Variants in ZNF407 observed in about 807,000 individuals in gnomAD.
ZNF407 encodes the protein zinc finger protein 407.
Under a neutral mutation model 131.2 loss-of-function variants are expected in ZNF407, and 17 were observed. That is an observed-to-expected ratio of 0.13 (90% confidence interval 0.09 to 0.19). ZNF407 has a LOEUF of 0.19. Among genes scored for constraint, ZNF407 ranks in the 10% least tolerant of loss-of-function variants. The probability of loss-of-function intolerance (pLI) is 1.00; values close to 1 mark genes in which losing one functional copy is unlikely to be tolerated. For missense variants in ZNF407, 2,681 were observed against 2,830.6 expected, an observed-to-expected ratio of 0.95 and a Z score of 1.20; for synonymous variants, 1,156 against 1,062.0, an observed-to-expected ratio of 1.09 and a Z score of -1.72.
intron 8 of ZNF407, among the ~76,000 whole-genome samples, chr18:74,951,431 A>G (rs916774020): frequency 1.3e-5 from 2 of 152,194 alleles, no homozygotes; most frequent in African/African-American, 4.8e-5. Flanking sequence ...GAGATCTTGT[A>G]GAAAATTGGC....
chr18:74,936,112 A>G (rs1419508406), intron 8 of ZNF407, among the ~76,000 whole-genome samples: 1 of 152,236 alleles, frequency 6.6e-6, no homozygotes, highest in East Asian at 1.9e-4. Context: ...CTAAGGAAGT[A>G]TGTTACGAAG....
At chr18:74,892,855 A>G (rs1971403919) in intron 7 of ZNF407, among the ~76,000 whole-genome samples, 1 of 152,132 alleles carries the variant, frequency 6.6e-6, no homozygotes, top group African/African-American at 2.4e-5. Context: ...TACCCTGAAA[A>G]TGCTCATGCC....
intron 8 of ZNF407, among the ~76,000 whole-genome samples, chr18:74,952,508 T>C (rs1972226572): frequency 6.6e-6 from 1 of 152,134 alleles, no homozygotes; most frequent in Non-Finnish European, 1.5e-5. Context: ...CAGGGAAAGA[T>C]AGATGATAAG....
intron 4 of ZNF407, among the ~76,000 whole-genome samples, chr18:74,859,682 C>T (rs1182349655): frequency 6.6e-6 from 1 of 152,164 alleles, no homozygotes; most frequent in Non-Finnish European, 1.5e-5. Flanking sequence ...ATACATTTAT[C>T]TGTGAAAAGA....
At chr18:75,015,669 G>A (rs1355709613) in intron 8 of ZNF407, among the ~76,000 whole-genome samples, 1 of 151,074 alleles carries the variant, frequency 6.6e-6, no homozygotes, top group Non-Finnish European at 1.5e-5. Flanking sequence ...ACTGACAACA[G>A]GTAATGGAAA....
intron 3 of ZNF407, among the ~76,000 whole-genome samples, chr18:74,649,444 A>AT (rs537901972): frequency 1.7e-3 from 255 of 152,312 alleles, no homozygotes; most frequent in Non-Finnish European, 2.6e-3. Flanking sequence ...AATAAGTATG[A>AT]TTTTTTACAT....
chr18:74,904,609 T>C (rs762385359), intron 7 of ZNF407, among the ~76,000 whole-genome samples: 2 of 152,220 alleles, frequency 1.3e-5, no homozygotes, highest in African/African-American at 2.4e-5. Flanking sequence ...CTTCCTACCA[T>C]TTCTTCCTTG....
chr18:74,787,825 A>T (rs34606038), intron 4 of ZNF407, among the ~76,000 whole-genome samples: 1 of 152,234 alleles, frequency 6.6e-6, no homozygotes, highest in African/African-American at 2.4e-5. Context: ...CACAGCTATG[A>T]CAATGACTTA....
chr18:74,999,407 G>A (rs986996790), intron 8 of ZNF407, among the ~76,000 whole-genome samples: 4 of 138,234 alleles, frequency 2.9e-5, no homozygotes, highest in Non-Finnish European at 4.6e-5. Flanking sequence ...TTGTTTGAAA[G>A]TTGTAGGTTT....
chr18:74,612,058 A>G (rs1438672508), intron 1 of ZNF407, among the ~76,000 whole-genome samples: 1 of 152,168 alleles, frequency 6.6e-6, no homozygotes, highest in Non-Finnish European at 1.5e-5. Context: ...CAGTAGTGAG[A>G]TTGAGTGAAT....
Position 74,635,721 on chromosome 18 carries a change from A to G in ZNF407, c.4687+15A>G. On this transcript the variant is annotated intron_variant, in intron 2 of 8. Transcript: ENST00000299687. The surrounding 1 kb of genome is among the most constrained non-coding windows in gnomAD (Gnocchi z 4.7). ...CACTCACACAGGTATGTAGCTCTGC[A>G]GCAAGCCAAGTCAGTGAGGACATGG... The G allele has an allele frequency of 1.3e-6, 2 of 1,549,556 alleles. No individual in the cohort carries two copies. The highest frequency in any genetic ancestry group is 1.7e-6 in the Non-Finnish European group (2 of 1,148,406).
At chr18:74,782,944 G>A (rs532277475) in intron 4 of ZNF407, among the ~76,000 whole-genome samples, 4 of 152,142 alleles carry the variant, frequency 2.6e-5, no homozygotes, top group African/African-American at 9.6e-5. Flanking sequence ...TTTAATAATT[G>A]CAGCAAAAAT....
At position 74,635,774 on chromosome 18, in the gene ZNF407, G is replaced by T; in HGVS notation, c.4687+68G>T. 1 of 1,515,104 alleles carries T rather than the reference G, an allele frequency of 6.6e-7. No individual in the cohort carries two copies. The highest frequency in any genetic ancestry group is 8.8e-7 in the Non-Finnish European group (1 of 1,134,064). The allele number at this position is 1,515,104 out of a possible 1,614,324, so 93.9% of individuals were successfully genotyped here. A position where few individuals can be genotyped will look rare whatever the true frequency, so the allele number is the denominator to read the frequency against. ...CCATTTGTTCCCATCCAGATATGCA[G>T]CCCTACCTGTGGCTGCTCATTGGCT... is the stretch of plus-strand genomic sequence containing the variant. On this transcript the variant is annotated intron_variant, in intron 2 of 8. Coordinates refer to ENST00000299687, the MANE Select transcript of ZNF407 (RefSeq NM_017757.3). The surrounding 1 kb of genome is among the most constrained non-coding windows in gnomAD (Gnocchi z 4.7).
In ZNF407 at chr18:75,063,625, C is replaced by CA; in HGVS notation, c.5906dup (p.Gln1970AlafsTer29). On this transcript the variant is annotated frameshift_variant, in exon 9 of 9. Transcript: ENST00000299687. LOFTEE classifies it low-confidence loss of function (END_TRUNC). This position sits in a 1 kb window ranked among gnomAD's most constrained non-coding sequence, Gnocchi z 6.6. ...GTGGCGCTGTGATACAACAGGTGAC[C>CA]AAGCAGGAGATTTTAAACCTCTCGG... 1.3e-6 allele frequency: 2 copies of CA among 1,587,638 alleles called. No individual in the cohort carries two copies. The highest frequency in any genetic ancestry group is 1.7e-6 in the Non-Finnish European group (2 of 1,168,442).
chr18:74,763,196 C>CTTTTTTTTTTTTTTTT (rs71170316), intron 3 of ZNF407, among the ~76,000 whole-genome samples: 1 of 17,784 alleles, frequency 5.6e-5, no homozygotes, highest in Admixed American at 1.1e-3. Context: ...TTCTTAGGAC[C>CTTTTTTTTTTTTTTTT]TTTTTTTTTT....
At chr18:74,607,269 C>T (rs1405277304) in intron 1 of ZNF407, among the ~76,000 whole-genome samples, 2 of 152,082 alleles carry the variant, frequency 1.3e-5, no homozygotes, top group African/African-American at 2.4e-5. Context: ...CACAGGTTCC[C>T]GGGGTGACTT....
chr18:74,963,984 TGAATAGAAATATTTGTGG>T, intron 8 of ZNF407, among the ~76,000 whole-genome samples: 1 of 152,162 alleles, frequency 6.6e-6, no homozygotes, highest in Non-Finnish European at 1.5e-5. Flanking sequence ...TGACCTTGAG[TGAATAGAAATATTTGTGG>T]CGCCCTCTTG....
Position 74,920,126 on chromosome 18 carries a change from G to C in ZNF407, c.5250-388G>C, listed in dbSNP as rs1325630623. Among the ~76,000 whole-genome samples the C allele has an allele frequency of 2.0e-5, 3 of 152,152 alleles. No individual in the cohort carries two copies. In the East Asian group the frequency reaches 5.8e-4, roughly 29 times the overall value. ...AAAGCCAAAGTGTCTTTGTTCCCCA[G>C]ATGCTCTAAATTCAGTGGAGGCGAC... is the stretch of plus-strand genomic sequence containing the variant. On this transcript the variant is annotated intron_variant, in intron 7 of 8. Transcript: ENST00000299687.
At chr18:74,839,129 G>A (rs761318459) in intron 4 of ZNF407, among the ~76,000 whole-genome samples, 1 of 152,188 alleles carries the variant, frequency 6.6e-6, no homozygotes, top group Non-Finnish European at 1.5e-5. Context: ...ATGCTGATAA[G>A]TGTAGTTGAG....
Sources: gnomAD v4.1 joint callset for allele counts (sites outside exome capture counted in the v4.1 genomes callset) on GRCh38, gnomAD v4.1.1 for gene constraint, Gnocchi (gnomAD v3.1) non-coding constraint, MANE v1.5 for transcripts, NCBI Gene and HGNC (gene_info 2026-07-23, HGNC 2026-07-21) for gene names.